Variants in NPAS3 observed in about 807,000 individuals in gnomAD.
The protein encoded by NPAS3 is neuronal PAS domain-containing protein 3.
In NPAS3, 14 loss-of-function variants were observed where a neutral mutation model predicts 73.1. The ratio of observed to expected loss-of-function variants is 0.19; its 90% CI spans 0.13 to 0.30. NPAS3 has a LOEUF of 0.30. NPAS3 is among the 10% of genes least tolerant of loss of function. The pLI is 1.00. For missense variants in NPAS3, 1,096 were observed against 1,250.0 expected (o/e 0.88, Z 1.86); for synonymous variants, 620 against 541.5 (o/e 1.14, Z -2.01).
chr14:33,048,469 T>A (rs2040588289), intron 1 of NPAS3, among the ~76,000 whole-genome samples: 1 of 152,230 alleles, frequency 6.6e-6, no homozygotes, highest in African/African-American at 2.4e-5. Context: ...ATGTAGCTTT[T>A]TCCCCAGGCA....
intron 9 of NPAS3, among the ~76,000 whole-genome samples, chr14:33,788,462 C>T (rs974589349): frequency 6.6e-6 from 1 of 152,206 alleles, no homozygotes; most frequent in African/African-American, 2.4e-5. Context: ...CATATGCAAA[C>T]CACTAAAATG....
intron 6 of NPAS3, chr14:33,680,803 T>C: frequency 1.7e-6 from 1 of 588,808 alleles, no homozygotes; most frequent in Non-Finnish European, 3.0e-6. Context: ...AGGCAGTACT[T>C]TGGATGATGA....
At chr14:33,659,256 C>T (rs565749561) in intron 5 of NPAS3, among the ~76,000 whole-genome samples, 2 of 152,260 alleles carry the variant, frequency 1.3e-5, no homozygotes, top group East Asian at 1.9e-4. Flanking sequence ...AGGTAGATGC[C>T]ATTATTATCT....
At chr14:33,448,502 A>G (rs1419830556) in intron 4 of NPAS3, among the ~76,000 whole-genome samples, 1 of 152,206 alleles carries the variant, frequency 6.6e-6, no homozygotes, top group East Asian at 1.9e-4. Context: ...TGTTGATAGC[A>G]TACATTTTGC....
At position 32,964,205 on chromosome 14, in the gene NPAS3, G is replaced by C. The variant is rs1422855852; in HGVS notation, c.50+24839G>C. 7.5e-5 allele frequency among the ~76,000 whole-genome samples: 10 copies of C among 133,484 alleles called. No individual in the cohort carries two copies. The South Asian group carries it at 2.1e-3, about 28-fold the overall frequency. The allele number at this position is 133,484 out of a possible 152,430, so 87.6% of individuals were successfully genotyped here. ...AAAAAAGAGAACATTAATTAATTTA[G>C]TATTTGCTATATGCATGCTATACTC... is the stretch of plus-strand genomic sequence containing the variant. On this transcript the variant is annotated intron_variant, in intron 1 of 11. Transcript: ENST00000356141.
At chr14:33,135,796 A>C (rs560695184) in intron 2 of NPAS3, among the ~76,000 whole-genome samples, 106 of 152,304 alleles carry the variant, frequency 7.0e-4, no homozygotes, top group African/African-American at 2.4e-3. Flanking sequence ...ATAATTTTAA[A>C]ATGAATGAGC....
chr14:33,570,811 C>T (rs1225904127), intron 5 of NPAS3, among the ~76,000 whole-genome samples: 2 of 152,108 alleles, frequency 1.3e-5, no homozygotes, highest in Admixed American at 6.6e-5. Context: ...ACACCTGGGG[C>T]GGTGCTCAGG....
chr14:33,674,928 A>G (rs1396619398), intron 5 of NPAS3, among the ~76,000 whole-genome samples: 3 of 152,294 alleles, frequency 2.0e-5, no homozygotes, highest in African/African-American at 7.2e-5. Flanking sequence ...TCTGAGTATT[A>G]CAGTCTCTGT....
intron 4 of NPAS3, among the ~76,000 whole-genome samples, chr14:33,496,251 C>G (rs2052181626): frequency 6.6e-6 from 1 of 152,002 alleles, no homozygotes; most frequent in African/African-American, 2.4e-5. Context: ...GGATTCACAG[C>G]CAAATTCTAC....
At chr14:33,317,823 T>A (rs1011990015) in intron 3 of NPAS3, among the ~76,000 whole-genome samples, 3 of 152,074 alleles carry the variant, frequency 2.0e-5, no homozygotes, top group Non-Finnish European at 4.4e-5. Context: ...AATGGACTAA[T>A]ACACCAAGGC....
intron 2 of NPAS3, among the ~76,000 whole-genome samples, chr14:33,172,097 A>C (rs898030596): frequency 8.5e-5 from 13 of 152,198 alleles, no homozygotes; most frequent in Admixed American, 2.0e-4. Context: ...AGTGACATCA[A>C]AGATCACTGA....
chr14:33,685,012 G>GTATC (rs1413559765), intron 6 of NPAS3, among the ~76,000 whole-genome samples: 1 of 152,168 alleles, frequency 6.6e-6, no homozygotes, highest in African/African-American at 2.4e-5. Context: ...GGAAGAACTT[G>GTATC]TATCTTTTCT....
At chr14:33,294,784 A>T (rs2042228965) in intron 3 of NPAS3, among the ~76,000 whole-genome samples, 1 of 152,194 alleles carries the variant, frequency 6.6e-6, no homozygotes, top group Admixed American at 6.5e-5. Flanking sequence ...TAAAAGATGA[A>T]CAGGAATCAC....
intron 5 of NPAS3, among the ~76,000 whole-genome samples, chr14:33,560,756 C>T (rs73269102): frequency 1.4e-3 from 216 of 152,220 alleles, no homozygotes; most frequent in African/African-American, 5.0e-3. Context: ...CATTATTTGC[C>T]ATTTAATTAC....
intron 5 of NPAS3, among the ~76,000 whole-genome samples, chr14:33,644,847 C>T (rs1370144634): frequency 6.6e-6 from 1 of 152,070 alleles, no homozygotes; most frequent in African/African-American, 2.4e-5. Context: ...CTTTGAGAGG[C>T]AGAGGCGGGC....
intron 2 of NPAS3, among the ~76,000 whole-genome samples, chr14:33,175,536 C>T (rs2045556054): frequency 6.6e-6 from 1 of 152,144 alleles, no homozygotes; most frequent in African/African-American, 2.4e-5. Flanking sequence ...GAAAAATTCA[C>T]ATTTTTCCTT....
At chr14:33,748,332 A>G (rs952198548) in intron 7 of NPAS3, among the ~76,000 whole-genome samples, 2 of 152,168 alleles carry the variant, frequency 1.3e-5, no homozygotes, top group Non-Finnish European at 2.9e-5. Context: ...TAAAAAGCCT[A>G]TACTAATGGT....
intron 4 of NPAS3, among the ~76,000 whole-genome samples, chr14:33,489,020 C>T (rs981592548): frequency 2.6e-5 from 4 of 152,158 alleles, no homozygotes; most frequent in African/African-American, 4.8e-5. Flanking sequence ...GCCCTTAACT[C>T]GCTTTGAAGG....
intron 2 of NPAS3, among the ~76,000 whole-genome samples, chr14:33,062,020 G>A (rs1199898170): frequency 1.3e-5 from 2 of 152,094 alleles, no homozygotes; most frequent in African/African-American, 4.8e-5. Flanking sequence ...GAAGTGGAGG[G>A]CTGGGGAACG....
Sources: gnomAD v4.1 joint callset for allele counts (sites outside exome capture counted in the v4.1 genomes callset) on GRCh38, gnomAD v4.1.1 for gene constraint, MANE v1.5 for transcripts, NCBI Gene and HGNC (gene_info 2026-07-23, HGNC 2026-07-21) for gene names.